The following BRWD1 variants were observed in gnomAD, a reference collection of about 807,000 sequenced individuals.
BRWD1 encodes the protein bromodomain and WD repeat domain containing 1.
A neutral mutation model predicts 251.2 loss-of-function variants in BRWD1; 82 were observed. That is an observed-to-expected ratio of 0.33 (90% confidence interval 0.27 to 0.39). The LOEUF is 0.39. BRWD1 is among the 10% of genes least tolerant of loss of function. The probability of loss-of-function intolerance (pLI) is 1.00; values close to 1 mark genes in which losing one functional copy is unlikely to be tolerated. For missense variants in BRWD1, 2,233 were observed against 2,711.6 expected (o/e 0.82, Z 3.92); for synonymous variants, 918 against 902.8 (o/e 1.02, Z -0.30).
At chr21:39,282,832 G>A (rs975208271) in intron 8 of BRWD1, among the ~76,000 whole-genome samples, 28 of 152,012 alleles carry the variant, frequency 1.8e-4, no homozygotes, top group East Asian at 1.5e-3. Flanking sequence ...GGTGGTGGGC[G>A]CCTGTAATCC....
chr21:39,293,001 T>A (rs1416077590), intron 8 of BRWD1, among the ~76,000 whole-genome samples: 1 of 152,198 alleles, frequency 6.6e-6, no homozygotes, highest in African/African-American at 2.4e-5. Flanking sequence ...GGAATCCTTA[T>A]CTTTTAGAAA....
intron 17 of BRWD1, among the ~76,000 whole-genome samples, chr21:39,258,942 G>A (rs2034650507): frequency 2.0e-5 from 3 of 152,254 alleles, no homozygotes; most frequent in Non-Finnish European, 4.4e-5. Context: ...ACATATTTCT[G>A]TAAAACTTTA....
At chr21:39,269,529 CATTTT>C (rs909744757) in intron 15 of BRWD1, among the ~76,000 whole-genome samples, 4 of 151,844 alleles carry the variant, frequency 2.6e-5, no homozygotes, top group South Asian at 4.1e-4. Flanking sequence ...TTAATAATGT[CATTTT>C]ATTTTATTAC....
In BRWD1 at chr21:39,232,509, G is replaced by A. The variant is rs773291893; in HGVS notation, c.2767-11C>T. 6 of 1,581,722 alleles carry A rather than the reference G, an allele frequency of 3.8e-6. No individual in the cohort carries two copies. In the East Asian group the frequency reaches 9.0e-5, roughly 24 times the overall value. On this transcript the variant is annotated splice_polypyrimidine_tract_variant and intron_variant, in intron 23 of 40. Coordinates refer to ENST00000342449, the MANE Select transcript of BRWD1 (RefSeq NM_033656.4). ...CATCCTCCGCAAATTCTACCAAGGG[G>A]AAGAGAACAAAGTTTCTTAGATTAG...
rs1446795536 is a variant in BRWD1, at chr21:39,319,900, A to G, written n.534+1126T>C. On this transcript the variant is annotated intron_variant and non_coding_transcript_variant, in intron 1 of 4. Transcript: ENST00000470108. ...TTTTTATTTTCTTTGCCACTTCTGT[A>G]TCTTCTTTGGAGATAATCCTGTCAC... Among the ~76,000 whole-genome samples, 3 of 151,760 alleles carry G rather than the reference A, an allele frequency of 2.0e-5. No individual in the cohort carries two copies. The East Asian group carries it at 5.8e-4, about 29-fold the overall frequency.
At chr21:39,229,871 C>CT (rs1838200323) in intron 25 of BRWD1, among the ~76,000 whole-genome samples, 1 of 152,108 alleles carries the variant, frequency 6.6e-6, no homozygotes, top group Non-Finnish European at 1.5e-5. Context: ...GTACCTGGGA[C>CT]TGACTACAGG....
chr21:39,312,624 G>A (rs2036528535), intron 4 of BRWD1: 2 of 382,508 alleles, frequency 5.2e-6, no homozygotes, highest in Non-Finnish European at 9.6e-6. Flanking sequence ...CCACCGCTCC[G>A]CCCCGCGCCG....
At chr21:39,198,205 AT>A (rs2146457879) in intron 40 of BRWD1, among the ~76,000 whole-genome samples, 1 of 152,300 alleles carries the variant, frequency 6.6e-6, no homozygotes, top group African/African-American at 2.4e-5. Flanking sequence ...TCAACAAGTT[AT>A]TTCACCACTT....
chr21:39,223,438 A>C (rs1445302668), intron 29 of BRWD1, among the ~76,000 whole-genome samples: 1 of 152,206 alleles, frequency 6.6e-6, no homozygotes, highest in Non-Finnish European at 1.5e-5. Context: ...ACACATAAAG[A>C]AAGCTTGGTG....
intron 37 of BRWD1, among the ~76,000 whole-genome samples, chr21:39,205,642 T>A (rs985110220): frequency 2.0e-5 from 3 of 151,928 alleles, no homozygotes; most frequent in African/African-American, 7.3e-5. Flanking sequence ...CATGGCAGCA[T>A]GTACCTGTAG....
rs1181486071 is a variant in BRWD1 at position 39,298,422 on chromosome 21, A to G, written c.349+10T>C. The G allele has an allele frequency of 1.3e-6, 2 of 1,570,862 alleles. No individual in the cohort carries two copies. Among genetic ancestry groups the G allele is most frequent in the East Asian group, 4.6e-5 (2 of 43,290 alleles). On this transcript the variant is annotated intron_variant, in intron 5 of 40. Transcript: ENST00000342449. ...AATACAAAGCAGAACACTTCTTCAA[A>G]TTAAGGTACCTTTTGCTGTACGTAG... is the stretch of plus-strand genomic sequence containing the variant.
chr21:39,248,201 T>G (rs9978591), intron 20 of BRWD1, among the ~76,000 whole-genome samples: 141,081 of 152,254 alleles, frequency 0.93, 65,715 homozygotes, highest in African/African-American at 0.97. Flanking sequence ...CTCAAGGAAT[T>G]TCTCACTATC....
chr21:39,209,337 A>G (rs2032553112), intron 36 of BRWD1, among the ~76,000 whole-genome samples: 1 of 152,020 alleles, frequency 6.6e-6, no homozygotes. Context: ...CCAGCACCGG[A>G]GTCAGATTTG....
upstream of BRWD1, among the ~76,000 whole-genome samples, chr21:39,318,517 CTA>C (rs774070821): frequency 2.0e-4 from 30 of 152,238 alleles, no homozygotes; most frequent in Non-Finnish European, 4.1e-4. Context: ...CTCCAGAACA[CTA>C]TACCACAAAC....
intron 25 of BRWD1, among the ~76,000 whole-genome samples, chr21:39,230,515 G>A (rs78572701): frequency 0.014 from 2,142 of 152,320 alleles, 47 homozygotes; most frequent in African/African-American, 0.049. Flanking sequence ...CAACACTGTA[G>A]TAAACCAGTG....
At position 39,248,663 on chromosome 21, in the gene BRWD1, A is replaced by C. The variant is rs1265052192; in HGVS notation, c.2350-831T>G. The stretch of plus-strand genomic sequence containing the variant: ...TCCCAAAAAAAAAAAAAAAAAAAAA[A>C]AAAAAAAAAAAAAAAAAACACTGGG... On this transcript the variant is annotated intron_variant, in intron 20 of 40. Coordinates refer to ENST00000342449, the MANE Select transcript of BRWD1 (RefSeq NM_033656.4). 4.0e-4 allele frequency among the ~76,000 whole-genome samples: 60 copies of C among 148,894 alleles called. 4 individuals are homozygous for C. Among genetic ancestry groups the C allele is most frequent in the African/African-American group, 1.0e-3 (42 of 40,076 alleles).
At position 39,187,280 on chromosome 21, in the gene BRWD1, C is replaced by G. The variant is rs760992697; in HGVS notation, c.*8979G>C. On this transcript the variant is annotated 3_prime_UTR_variant, in exon 41 of 41. Transcript: ENST00000342449. Reference sequence around the variant, plus strand: ...ATTATCTTTATTTTATTTGCAGCAACAGTAGCACATCTGCGGGGAACTTTC... The same window carrying G: ...ATTATCTTTATTTTATTTGCAGCAAGAGTAGCACATCTGCGGGGAACTTTC... 6.2e-7 allele frequency: 1 copy of G among 1,614,008 alleles called. No individual in the cohort carries two copies. The highest frequency in any genetic ancestry group is 8.5e-7 in the Non-Finnish European group (1 of 1,179,938).
intron 18 of BRWD1, among the ~76,000 whole-genome samples, chr21:39,258,172 A>G (rs2034622665): frequency 6.6e-6 from 1 of 152,220 alleles, no homozygotes; most frequent in Non-Finnish European, 1.5e-5. Context: ...AAAAATTACC[A>G]ATGTTAAAGC....
intron 8 of BRWD1, among the ~76,000 whole-genome samples, chr21:39,290,616 CAA>C (rs1183979906): frequency 6.6e-6 from 1 of 152,114 alleles, no homozygotes; most frequent in Non-Finnish European, 1.5e-5. Flanking sequence ...ACTCCACTTT[CAA>C]AGAATTCCAA....
Sources: gnomAD v4.1 joint callset for allele counts (sites outside exome capture counted in the v4.1 genomes callset) on GRCh38, gnomAD v4.1.1 for gene constraint, MANE v1.5 for transcripts, NCBI Gene and HGNC (gene_info 2026-07-23, HGNC 2026-07-21) for gene names.